CNTN3: variants seen among roughly 807,000 people sequenced by gnomAD.
CNTN3 encodes the protein contactin 3.
Under a neutral mutation model 119.1 loss-of-function variants are expected in CNTN3, and 60 were observed. That is an observed-to-expected ratio of 0.50 (90% CI 0.41 to 0.62). The LOEUF (loss-of-function observed/expected upper bound fraction) is 0.62, where lower values mean the gene tolerates loss of function less well. CNTN3 is among the 20% of genes least tolerant of loss of function. CNTN3 has a pLI of 0.00. For missense variants in CNTN3, 1,101 were observed against 1,242.4 expected, an observed-to-expected ratio of 0.89 and a Z score of 1.71; for synonymous variants, 450 against 438.7, an observed-to-expected ratio of 1.03 and a Z score of -0.32.
intron 4 of CNTN3, among the ~76,000 whole-genome samples, chr3:74,453,942 A>G (rs573336492): frequency 1.2e-4 from 18 of 152,064 alleles, no homozygotes; most frequent in East Asian, 5.8e-4. Context: ...TATGTGGTCA[A>G]TTTTGGAATA....
In CNTN3 at chr3:74,614,391, C is replaced by T. The variant is rs1293523902; in HGVS notation, c.-81G>A. On this transcript the variant is annotated splice_region_variant and 5_prime_UTR_variant, in exon 1 of 23. Coordinates refer to ENST00000263665, the MANE Select transcript of CNTN3 (RefSeq NM_020872.3). ...CAGGAGTCGGGCATCCCGGACTTAC[C>T]TGGTCTCTGCAGCTCGCCAGACGCC... Among the ~76,000 whole-genome samples, 2 of 151,368 alleles carry T rather than the reference C, an allele frequency of 1.3e-5. No homozygotes were observed. Among genetic ancestry groups the T allele is most frequent in the African/African-American group, 4.8e-5 (2 of 41,400 alleles).
At chr3:74,278,907 GA>G (rs1425962576) in intron 20 of CNTN3, among the ~76,000 whole-genome samples, 1 of 148,676 alleles carries the variant, frequency 6.7e-6, no homozygotes, top group South Asian at 2.1e-4. Flanking sequence ...AAATCAGCGG[GA>G]AAAAAAAACA....
intron 5 of CNTN3, among the ~76,000 whole-genome samples, chr3:74,388,765 C>G (rs1001602078): frequency 3.3e-5 from 5 of 152,056 alleles, no homozygotes; most frequent in Non-Finnish European, 1.5e-5. Flanking sequence ...ACAAAGAAAG[C>G]CCTTGTATTT....
At chr3:74,293,274 C>A (rs762133083) in intron 19 of CNTN3, among the ~76,000 whole-genome samples, 8 of 152,162 alleles carry the variant, frequency 5.3e-5, no homozygotes, top group Non-Finnish European at 1.2e-4. Flanking sequence ...CATCATTGCT[C>A]TATTCCCTAT....
At chr3:74,575,834 A>G (rs1704406643) in intron 1 of CNTN3, among the ~76,000 whole-genome samples, 1 of 151,862 alleles carries the variant, frequency 6.6e-6, no homozygotes. Flanking sequence ...TAACTGTCCA[A>G]GCCCACGTGG....
In CNTN3 at chr3:74,421,013, C is replaced by T. The variant is rs576740828; in HGVS notation, c.454+3832G>A. Among the ~76,000 whole-genome samples, 26 of 152,248 alleles carry T rather than the reference C, an allele frequency of 1.7e-4. No homozygotes were observed. In the East Asian group the frequency reaches 3.3e-3, roughly 19 times the overall value. On this transcript the variant is annotated intron_variant, in intron 5 of 22. Transcript: ENST00000263665. ...TCTTAGCATCTGCAGGCTCAGCTTCCAGACTCTAATGTACATTATCACACA... is the reference window on the plus strand; with the variant it reads ...TCTTAGCATCTGCAGGCTCAGCTTCTAGACTCTAATGTACATTATCACACA...
rs558281945 is a variant in CNTN3 at position 74,318,077 on chromosome 3, T to C, written c.1669-15270A>G. ...TCTCTAAACTTCCCTTCTTGCTTCA[T>C]TTCATTCATTTCATCTTCCATCACT... is the stretch of plus-strand genomic sequence containing the variant. On this transcript the variant is annotated intron_variant, in intron 13 of 22. Transcript: ENST00000263665. Among the ~76,000 whole-genome samples the C allele has an allele frequency of 3.3e-5, 5 of 152,346 alleles. No homozygotes were observed. In the South Asian group the frequency reaches 1.0e-3, roughly 32 times the overall value.
At position 74,530,819 on chromosome 3, in the gene CNTN3, G is replaced by T. The variant is rs910968877; in HGVS notation, c.-80-9627C>A. On this transcript the variant is annotated intron_variant, in intron 1 of 22. Coordinates refer to ENST00000263665, the MANE Select transcript of CNTN3 (RefSeq NM_020872.3). Reference sequence around the variant, plus strand: ...GAAGGAAGTGGCTAGCTGGGGTGGGGAAGAGGGAGAGTGCAGCACTACATT... The same window carrying T: ...GAAGGAAGTGGCTAGCTGGGGTGGGTAAGAGGGAGAGTGCAGCACTACATT... 1.6e-4 allele frequency among the ~76,000 whole-genome samples: 25 copies of T among 152,074 alleles called. No homozygotes were observed. The East Asian group carries it at 2.7e-3, about 17-fold the overall frequency.
chr3:74,296,085 T>C (rs1283218937), intron 18 of CNTN3, among the ~76,000 whole-genome samples: 1 of 152,134 alleles, frequency 6.6e-6, no homozygotes, highest in Non-Finnish European at 1.5e-5. Flanking sequence ...GCTTCTCTGA[T>C]TGAAGATCTT....
intron 5 of CNTN3, among the ~76,000 whole-genome samples, chr3:74,417,424 CAT>C: frequency 6.6e-6 from 1 of 152,290 alleles, no homozygotes; most frequent in Non-Finnish European, 1.5e-5. Context: ...AGTGAAGACA[CAT>C]ATTTATTATA....
At chr3:74,311,043 A>T (rs1702673138) in intron 13 of CNTN3, among the ~76,000 whole-genome samples, 1 of 152,210 alleles carries the variant, frequency 6.6e-6, no homozygotes, top group South Asian at 2.1e-4. Context: ...TTTTGAGCTG[A>T]CTGTGCCAAG....
intron 13 of CNTN3, among the ~76,000 whole-genome samples, chr3:74,333,578 A>G (rs750790053): frequency 1.4e-4 from 21 of 152,154 alleles, no homozygotes; most frequent in Non-Finnish European, 2.8e-4. Context: ...TATAAGGACA[A>G]CAGTTATACT....
chr3:74,404,754 A>G (rs1433067117), intron 5 of CNTN3, among the ~76,000 whole-genome samples: 1 of 151,942 alleles, frequency 6.6e-6, no homozygotes, highest in Non-Finnish European at 1.5e-5. Flanking sequence ...TGTGTGTTTC[A>G]TGCCCACCAT....
chr3:74,298,483 T>C (rs745947320), intron 17 of CNTN3, among the ~76,000 whole-genome samples: 48 of 152,084 alleles, frequency 3.2e-4, no homozygotes, highest in Non-Finnish European at 5.4e-4. Context: ...AATAGGAAGA[T>C]ATACTTTCAG....
intron 2 of CNTN3, among the ~76,000 whole-genome samples, chr3:74,516,991 G>T (rs1224003597): frequency 6.6e-6 from 1 of 151,864 alleles, no homozygotes; most frequent in Non-Finnish European, 1.5e-5. Context: ...CCTGGCCACA[G>T]TTCCTGCTTC....
intron 1 of CNTN3, among the ~76,000 whole-genome samples, chr3:74,569,451 T>A (rs1704276483): frequency 6.6e-6 from 1 of 152,174 alleles, no homozygotes; most frequent in South Asian, 2.1e-4. Context: ...CTGTTCTTAC[T>A]GTCTCGCGTT....
chr3:74,301,410 T>C lies in CNTN3; in HGVS notation c.2083A>G (p.Thr695Ala), dbSNP rs1165828462. The C allele has an allele frequency of 6.2e-7, 1 of 1,613,708 alleles. No individual in the cohort carries two copies. The highest frequency in any genetic ancestry group is 8.5e-7 in the Non-Finnish European group (1 of 1,179,908). The change falls in exon 16 of 23, where the codon ACT (threonine) becomes GCT (alanine). Residue 695 changes from threonine to alanine, a missense_variant. Thr to Ala is a moderately conservative substitution (Grantham distance 58, BLOSUM62 0). Transcript: ENST00000263665. ...AAAAAACACTAACCTGCCTCTTCAG[T>C]TCTTACTTTTTCTGAGGGTAAACTT... ...EPSLPSEKVR[T>A]EEAVPEVPPS...
At chr3:74,444,145 T>C (rs981951129) in intron 4 of CNTN3, among the ~76,000 whole-genome samples, 1 of 152,296 alleles carries the variant, frequency 6.6e-6, no homozygotes, top group Admixed American at 6.5e-5. Context: ...CTTCTTATAA[T>C]GACACCAATC....
intron 1 of CNTN3, among the ~76,000 whole-genome samples, chr3:74,604,298 GAAAACAATTAA>G (rs1344734399): frequency 6.6e-6 from 1 of 151,962 alleles, no homozygotes; most frequent in Non-Finnish European, 1.5e-5. Context: ...CAACAAATGT[GAAAACAATTAA>G]ATGAGCTCAA....
Sources: allele counts gnomAD v4.1 joint callset (sites outside exome capture counted in the v4.1 genomes callset), GRCh38; gene constraint gnomAD v4.1.1; transcripts MANE v1.5; gene names NCBI Gene and HGNC (gene_info 2026-07-23, HGNC 2026-07-21).